The following CIMAP1D variants were observed in gnomAD, a reference collection of about 807,000 sequenced individuals.
The protein encoded by CIMAP1D is CIMAP1 family member D.
chr19:463,550 T>C, the CIMAP1D span: 5 of 478,584 alleles, frequency 1.0e-5, no homozygotes, highest in African/African-American at 2.1e-5. Flanking sequence ...TCCAGCCAGC[T>C]ACTGGGGAGG....
the CIMAP1D span, among the ~76,000 whole-genome samples, chr19:490,841 G>T: frequency 6.6e-6 from 1 of 152,258 alleles, no homozygotes; most frequent in Admixed American, 6.5e-5. Context: ...GCTCACGCCT[G>T]TAATCCCAGC....
At chr19:472,531 TG>T in the CIMAP1D span, 1 of 1,452,762 alleles carries the variant, frequency 6.9e-7, no homozygotes, top group Non-Finnish European at 9.3e-7. Context: ...GGTCACCTCC[TG>T]GGCCCAGATT....
At chr19:487,634 C>T in the CIMAP1D span, among the ~76,000 whole-genome samples, 1 of 152,098 alleles carries the variant, frequency 6.6e-6, no homozygotes, top group East Asian at 1.9e-4. Context: ...CGCACCACTG[C>T]GCTCCAGCCT....
chr19:491,385 A>C, the CIMAP1D span, among the ~76,000 whole-genome samples: 2 of 152,216 alleles, frequency 1.3e-5, no homozygotes, highest in Non-Finnish European at 2.9e-5. Context: ...GTTCATAGAC[A>C]ATTTCAGTCT....
At chr19:467,447 A>G in the CIMAP1D span, among the ~76,000 whole-genome samples, 1 of 151,972 alleles carries the variant, frequency 6.6e-6, no homozygotes, top group African/African-American at 2.4e-5. Flanking sequence ...TGTCATCCTG[A>G]CCCACTTCAC....
chr19:463,919 C>A, the CIMAP1D span: 1 of 1,611,518 alleles, frequency 6.2e-7, no homozygotes, highest in Non-Finnish European at 8.5e-7. Flanking sequence ...TGGCCCGTTT[C>A]GAGTGGCGGA....
the CIMAP1D span, chr19:463,439 A>G: frequency 5.0e-5 from 13 of 261,188 alleles, no homozygotes; most frequent in Admixed American, 3.1e-4. Context: ...GGCTGCCTCC[A>G]GCCTGAGTTT....
the CIMAP1D span, among the ~76,000 whole-genome samples, chr19:482,686 G>A: frequency 6.6e-6 from 1 of 152,158 alleles, no homozygotes; most frequent in Non-Finnish European, 1.5e-5. Context: ...CCCACGAGCT[G>A]TTCCATGCCT....
At chr19:477,829 A>G in the CIMAP1D span, among the ~76,000 whole-genome samples, 1 of 152,100 alleles carries the variant, frequency 6.6e-6, no homozygotes, top group Non-Finnish European at 1.5e-5. Flanking sequence ...CACGGCACGC[A>G]GGCCCTGCAC....
chr19:482,632 A>C, the CIMAP1D span, among the ~76,000 whole-genome samples: 13 of 152,170 alleles, frequency 8.5e-5, no homozygotes, highest in African/African-American at 3.1e-4. Context: ...CAGATTACTC[A>C]TGCAGAACGG....
the CIMAP1D span, among the ~76,000 whole-genome samples, chr19:468,991 G>A: frequency 1.8e-3 from 271 of 151,294 alleles, no homozygotes; most frequent in African/African-American, 6.2e-3. Flanking sequence ...TCCGTGGCAC[G>A]CAGTGTGGCC....
chr19:477,843 C>A, the CIMAP1D span, among the ~76,000 whole-genome samples: 1 of 152,158 alleles, frequency 6.6e-6, no homozygotes, highest in African/African-American at 2.4e-5. Flanking sequence ...CCTGCACGGC[C>A]TCGTCTCCAC....
the CIMAP1D span, among the ~76,000 whole-genome samples, chr19:480,338 C>T: frequency 2.0e-5 from 3 of 152,344 alleles, no homozygotes; most frequent in Admixed American, 1.3e-4. Context: ...GCGTCCCAAT[C>T]AGAGCTCACA....
At chr19:464,005 T>C in the CIMAP1D span, 1 of 1,608,594 alleles carries the variant, frequency 6.2e-7, no homozygotes, top group Non-Finnish European at 8.5e-7. Flanking sequence ...GGGCCGGGGG[T>C]CTCCTCCAGG....
the CIMAP1D span, among the ~76,000 whole-genome samples, chr19:478,456 C>G: frequency 3.9e-5 from 6 of 152,388 alleles, no homozygotes; most frequent in Non-Finnish European, 8.8e-5. Context: ...CCGGCCAAGC[C>G]GACAGCATGT....
At chr19:477,182 T>C in the CIMAP1D span, among the ~76,000 whole-genome samples, 1 of 152,204 alleles carries the variant, frequency 6.6e-6, no homozygotes, top group Non-Finnish European at 1.5e-5. Flanking sequence ...CACTCCAGCC[T>C]AGGCCTAAGT....
the CIMAP1D span, among the ~76,000 whole-genome samples, chr19:474,049 A>G: frequency 6.6e-6 from 1 of 152,106 alleles, no homozygotes; most frequent in Non-Finnish European, 1.5e-5. Context: ...AGCCTCCCAG[A>G]GATACACGGT....
the CIMAP1D span, among the ~76,000 whole-genome samples, chr19:485,328 C>A: frequency 2.0e-5 from 3 of 152,214 alleles, no homozygotes; most frequent in East Asian, 1.9e-4. Context: ...CGGGCGTGCC[C>A]GAGCCCCGTG....
At chr19:465,765 A>G in the CIMAP1D span, among the ~76,000 whole-genome samples, 1 of 121,304 alleles carries the variant, frequency 8.2e-6, no homozygotes, top group East Asian at 2.8e-4. Context: ...AGGTGGATAG[A>G]TGGGTGGGTG....
Sources: gnomAD v4.1 joint callset for allele counts (sites outside exome capture counted in the v4.1 genomes callset) on GRCh38, gnomAD v4.1.1 for gene constraint, MANE v1.5 for transcripts, NCBI Gene and HGNC (gene_info 2026-07-23, HGNC 2026-07-21) for gene names.